The following COX10 variants were observed in gnomAD, a reference collection of about 807,000 sequenced individuals.
COX10 encodes the protein protoheme IX farnesyltransferase, mitochondrial.
COX10 carries 27 observed loss-of-function variants against 37.3 expected under a neutral mutation model. The observed-to-expected ratio is 0.72, with a 90% CI of 0.53 to 1.00. The LOEUF is 1.00. COX10 is among the 50% of genes least tolerant of loss of function. COX10 has a pLI of 0.00. For synonymous variants in COX10, 222 were observed against 229.1 expected (o/e 0.97, Z 0.28); for missense variants, 475 against 563.2 (o/e 0.84, Z 1.59).
At chr17:14,178,779 T>A (rs1205569938) in intron 5 of COX10, among the ~76,000 whole-genome samples, 1 of 152,128 alleles carries the variant, frequency 6.6e-6, no homozygotes, top group Non-Finnish European at 1.5e-5. Flanking sequence ...CCCTAGGTCC[T>A]CCAGCTGAGT....
chr17:14,203,484 G>A (rs79664324), intron 6 of COX10, among the ~76,000 whole-genome samples: 6,035 of 152,100 alleles, frequency 0.04, 181 homozygotes, highest in African/African-American at 0.084. Flanking sequence ...CAACTGCCCC[G>A]TCTGATAAAC....
intron 4 of COX10, among the ~76,000 whole-genome samples, chr17:14,108,328 A>G (rs112389040): frequency 6.6e-5 from 10 of 152,294 alleles, no homozygotes; most frequent in African/African-American, 2.2e-4. Context: ...TCAGGTTTCA[A>G]AAAAAAGATA....
intron 3 of COX10, among the ~76,000 whole-genome samples, chr17:14,085,259 G>A (rs1050014053): frequency 8.5e-5 from 13 of 152,110 alleles, no homozygotes; most frequent in East Asian, 1.9e-4. Context: ...TTATTATTAC[G>A]TTAGTGCATA....
intron 3 of COX10, among the ~76,000 whole-genome samples, chr17:14,095,833 G>A (rs1472672691): frequency 6.6e-6 from 1 of 152,196 alleles, no homozygotes; most frequent in Admixed American, 6.5e-5. Context: ...GAAGCAGCCT[G>A]TAGTGCTTGC....
rs117911030 is a variant in COX10 at position 14,170,599 on chromosome 17, G to A, written c.695+10652G>A. Among the ~76,000 whole-genome samples the A allele has an allele frequency of 8.2e-3, 1,244 of 152,294 alleles. 6 individuals are homozygous for A. The highest frequency in any genetic ancestry group is 0.022 in the South Asian group (105 of 4,822). On this transcript the variant is annotated intron_variant, in intron 5 of 6. Coordinates refer to ENST00000261643, the MANE Select transcript of COX10 (RefSeq NM_001303.4). ...GGAGGCAAAGGTGGGCAGATCGCTT[G>A]AGGCCAGCAGTTTGAGACCAGCCTG...
At chr17:14,116,956 C>G (rs993355049) in intron 4 of COX10, among the ~76,000 whole-genome samples, 2 of 152,228 alleles carry the variant, frequency 1.3e-5, no homozygotes, top group East Asian at 3.8e-4. Context: ...CCCCTAACTC[C>G]TGTTTCTTCA....
intron 4 of COX10, among the ~76,000 whole-genome samples, chr17:14,126,409 G>T (rs977809692): frequency 6.6e-6 from 1 of 152,092 alleles, no homozygotes. Context: ...GATGTATAAC[G>T]TATATTTTAA....
rs181500690 is a variant in COX10, at chr17:14,111,488, T to G, written c.624+9246T>G. 6.5e-4 allele frequency among the ~76,000 whole-genome samples: 99 copies of G among 152,260 alleles called. 1 individual carries two copies. Among genetic ancestry groups the G allele is most frequent in the Non-Finnish European group, 1.0e-4 (7 of 68,006 alleles). ...TATCTTTATACTTTAAAATATACTG[T>G]GTAACCTTAAAATACTAAGTTAAAG... is the stretch of plus-strand genomic sequence containing the variant. On this transcript the variant is annotated intron_variant, in intron 4 of 6. Coordinates refer to ENST00000261643, the MANE Select transcript of COX10 (RefSeq NM_001303.4).
At chr17:14,141,052 T>G (rs1448948627) in intron 4 of COX10, among the ~76,000 whole-genome samples, 2 of 152,140 alleles carry the variant, frequency 1.3e-5, no homozygotes, top group Non-Finnish European at 2.9e-5. Context: ...ATTTTTTTTT[T>G]GCGTAATCAT....
intron 4 of COX10, among the ~76,000 whole-genome samples, chr17:14,141,737 T>C (rs1410318579): frequency 6.6e-6 from 1 of 152,118 alleles, no homozygotes; most frequent in African/African-American, 2.4e-5. Context: ...GATTTCATTA[T>C]ATTTAAAGAG....
intron 3 of COX10, among the ~76,000 whole-genome samples, chr17:14,095,264 A>G (rs1915618828): frequency 6.6e-6 from 1 of 152,100 alleles, no homozygotes; most frequent in Non-Finnish European, 1.5e-5. Context: ...ACCTTTTTGG[A>G]TTTGATTATT....
At chr17:14,141,245 T>C (rs1328492339) in intron 4 of COX10, among the ~76,000 whole-genome samples, 1 of 152,076 alleles carries the variant, frequency 6.6e-6, no homozygotes, top group Non-Finnish European at 1.5e-5. Flanking sequence ...CTATAAAGAC[T>C]ACCTCTTACA....
intron 5 of COX10, among the ~76,000 whole-genome samples, chr17:14,183,077 C>T (rs1191865341): frequency 6.7e-6 from 1 of 148,168 alleles, no homozygotes; most frequent in Non-Finnish European, 1.5e-5. Flanking sequence ...ATGTGTGGAC[C>T]AATTTTTCCC....
At chr17:14,165,965 G>C (rs1471085432) in intron 5 of COX10, among the ~76,000 whole-genome samples, 4 of 152,248 alleles carry the variant, frequency 2.6e-5, no homozygotes, top group African/African-American at 9.6e-5. Flanking sequence ...AAGGCTGAGA[G>C]AGGTGAGGAA....
intron 4 of COX10, among the ~76,000 whole-genome samples, chr17:14,136,706 C>T (rs1043503707): frequency 6.6e-6 from 1 of 151,892 alleles, no homozygotes; most frequent in African/African-American, 2.4e-5. Flanking sequence ...TTCAGCTTGC[C>T]TCCCAATGTT....
intron 5 of COX10, among the ~76,000 whole-genome samples, chr17:14,176,899 CTG>C (rs1240639158): frequency 6.6e-6 from 1 of 152,078 alleles, no homozygotes; most frequent in African/African-American, 2.4e-5. Flanking sequence ...AGATAATTGA[CTG>C]TTTTTGAAAT....
At chr17:14,204,128 T>C (rs1344185639) in intron 6 of COX10, among the ~76,000 whole-genome samples, 2 of 152,172 alleles carry the variant, frequency 1.3e-5, no homozygotes, top group Non-Finnish European at 2.9e-5. Flanking sequence ...TTCTGTGTTC[T>C]AATGCCTGGA....
In COX10 at chr17:14,184,540, C is replaced by G. The variant is rs568760425; in HGVS notation, c.696-7449C>G. On this transcript the variant is annotated intron_variant, in intron 5 of 6. Coordinates refer to ENST00000261643, the MANE Select transcript of COX10 (RefSeq NM_001303.4). ...TATCAAGACTTTTACCACACTTGCT[C>G]CATCTTGCCCTTTAAGTACTTTTAA... Among the ~76,000 whole-genome samples, 16 of 152,342 alleles carry G rather than the reference C, an allele frequency of 1.1e-4. No individual in the cohort carries two copies. The South Asian group carries it at 2.3e-3, about 22-fold the overall frequency.
At chr17:14,196,428 T>C (rs762434642) in intron 6 of COX10, among the ~76,000 whole-genome samples, 5 of 152,116 alleles carry the variant, frequency 3.3e-5, no homozygotes, top group African/African-American at 7.2e-5. Flanking sequence ...ACCAGTTTCT[T>C]TGAGGAGGGA....
Sources: gnomAD v4.1 joint callset for allele counts (sites outside exome capture counted in the v4.1 genomes callset) on GRCh38, gnomAD v4.1.1 for gene constraint, MANE v1.5 for transcripts, NCBI Gene and HGNC (gene_info 2026-07-23, HGNC 2026-07-21) for gene names.